NKAIN2: variants seen among roughly 807,000 people sequenced by gnomAD.
NKAIN2 encodes the protein sodium/potassium-transporting ATPase subunit beta-1-interacting protein 2.
Under a neutral mutation model 32.6 loss-of-function variants are expected in NKAIN2, and 14 were observed. The ratio of observed to expected loss-of-function variants is 0.43; its 90% confidence interval spans 0.28 to 0.67. NKAIN2 has a LOEUF of 0.67. Ranked by LOEUF, NKAIN2 falls within the 30% of genes least tolerant of loss-of-function variation. The pLI, the probability that NKAIN2 is intolerant of heterozygous loss-of-function variation, is 0.17. For missense variants in NKAIN2, 198 were observed against 258.3 expected (o/e 0.77, Z 1.60); for synonymous variants, 80 against 87.2 (o/e 0.92, Z 0.46).
chr6:124,722,046 G>C (rs920199355), intron 4 of NKAIN2, among the ~76,000 whole-genome samples: 1 of 152,146 alleles, frequency 6.6e-6, no homozygotes, highest in East Asian at 1.9e-4. Context: ...ACTACTCAGC[G>C]TACCTAATAT....
chr6:124,430,411 G>A (rs191075095), intron 3 of NKAIN2, among the ~76,000 whole-genome samples: 24 of 152,186 alleles, frequency 1.6e-4, no homozygotes, highest in African/African-American at 5.5e-4. Context: ...TCTTATGGAG[G>A]TTGACTGGGT....
chr6:124,727,074 C>T (rs1583736952), intron 4 of NKAIN2, among the ~76,000 whole-genome samples: 1 of 152,042 alleles, frequency 6.6e-6, no homozygotes, highest in South Asian at 2.1e-4. Flanking sequence ...ACCAAATCTA[C>T]GTCTGATTGG....
intron 1 of NKAIN2, among the ~76,000 whole-genome samples, chr6:124,174,077 T>G (rs924973788): frequency 6.6e-6 from 1 of 152,168 alleles, no homozygotes; most frequent in Non-Finnish European, 1.5e-5. Flanking sequence ...AAATCTGATA[T>G]CATTGCAGTC....
chr6:124,780,473 T>C (rs904746933), intron 4 of NKAIN2, among the ~76,000 whole-genome samples: 2 of 152,122 alleles, frequency 1.3e-5, no homozygotes, highest in African/African-American at 4.8e-5. Context: ...TAAATGTTGT[T>C]TGTTGGACAG....
intron 1 of NKAIN2, among the ~76,000 whole-genome samples, chr6:124,247,936 A>C (rs192427411): frequency 1.7e-4 from 26 of 152,170 alleles, no homozygotes; most frequent in African/African-American, 6.3e-4. Flanking sequence ...AAGATGAATT[A>C]AAAGAGTGTT....
intron 1 of NKAIN2, among the ~76,000 whole-genome samples, chr6:124,081,988 C>A (rs1382459025): frequency 6.6e-6 from 1 of 152,002 alleles, no homozygotes; most frequent in African/African-American, 2.4e-5. Flanking sequence ...ATTCAATCCA[C>A]CCCTGCCCTT....
At chr6:124,822,715 C>T (rs1781441030) in intron 6 of NKAIN2, among the ~76,000 whole-genome samples, 1 of 151,882 alleles carries the variant, frequency 6.6e-6, no homozygotes, top group African/African-American at 2.4e-5. Context: ...AAATCAATAA[C>T]AACAAAGTTG....
chr6:124,174,756 AC>A (rs1365825129), intron 1 of NKAIN2, among the ~76,000 whole-genome samples: 4 of 152,192 alleles, frequency 2.6e-5, no homozygotes, highest in Non-Finnish European at 4.4e-5. Context: ...ATATGACCAA[AC>A]CAACTAATGA....
chr6:124,372,679 A>G (rs1490531932), intron 3 of NKAIN2, among the ~76,000 whole-genome samples: 2 of 152,222 alleles, frequency 1.3e-5, no homozygotes, highest in Non-Finnish European at 2.9e-5. Context: ...TATTCCAAGT[A>G]TACTTTTAGT....
At chr6:124,287,475 C>T (rs2753147) in intron 2 of NKAIN2, among the ~76,000 whole-genome samples, 125,736 of 152,118 alleles carry the variant, frequency 0.83, 52,315 homozygotes, top group East Asian at 0.97. Context: ...AGATTAAAAA[C>T]TTAAAACAGA....
intron 3 of NKAIN2, among the ~76,000 whole-genome samples, chr6:124,466,156 T>C (rs772409483): frequency 3.9e-5 from 6 of 152,110 alleles, no homozygotes; most frequent in Non-Finnish European, 8.8e-5. Flanking sequence ...TCCCTGGATG[T>C]CACAGGGGAA....
chr6:124,356,302 A>T (rs1300580418), intron 3 of NKAIN2, among the ~76,000 whole-genome samples: 1 of 152,200 alleles, frequency 6.6e-6, no homozygotes, highest in African/African-American at 2.4e-5. Flanking sequence ...AGAGAATGGT[A>T]ATACACATTT....
intron 1 of NKAIN2, among the ~76,000 whole-genome samples, chr6:124,051,246 A>C (rs904850664): frequency 6.6e-6 from 1 of 151,974 alleles, no homozygotes; most frequent in East Asian, 1.9e-4. Flanking sequence ...TAATTAGATA[A>C]TGTCTCCCAG....
At chr6:124,537,552 T>C (rs1779761964) in intron 3 of NKAIN2, among the ~76,000 whole-genome samples, 1 of 152,224 alleles carries the variant, frequency 6.6e-6, no homozygotes, top group South Asian at 2.1e-4. Context: ...TATCTATGTC[T>C]ATCTCTTTAG....
rs151256868 is a variant in NKAIN2 at position 124,531,698 on chromosome 6, G to A, written c.274-126488G>A. Among the ~76,000 whole-genome samples, 444 of 152,102 alleles carry A rather than the reference G, an allele frequency of 2.9e-3. 2 individuals carry two copies. The highest frequency in any genetic ancestry group is 9.3e-3 in the African/African-American group (386 of 41,494). ...CTTTCTTTCTGTTTTTTTCCAAGACGGAGTCTCACTCTGTTGCGCAGGCTG... is the reference window on the plus strand; with the variant it reads ...CTTTCTTTCTGTTTTTTTCCAAGACAGAGTCTCACTCTGTTGCGCAGGCTG... On this transcript the variant is annotated intron_variant, in intron 3 of 6. Coordinates refer to ENST00000368417, the MANE Select transcript of NKAIN2 (RefSeq NM_001040214.3).
intron 3 of NKAIN2, among the ~76,000 whole-genome samples, chr6:124,546,612 C>A (rs1036225518): frequency 1.3e-5 from 2 of 151,736 alleles, no homozygotes; most frequent in Non-Finnish European, 2.9e-5. Flanking sequence ...ATATACTGAG[C>A]CTGTCTTTGT....
At chr6:124,313,465 A>G (rs771878540) in intron 2 of NKAIN2, among the ~76,000 whole-genome samples, 40 of 152,072 alleles carry the variant, frequency 2.6e-4, no homozygotes, top group Admixed American at 7.9e-4. Context: ...CACTTATCCA[A>G]TTTACCATGT....
At chr6:124,527,187 G>T (rs1190604646) in intron 3 of NKAIN2, among the ~76,000 whole-genome samples, 2 of 152,122 alleles carry the variant, frequency 1.3e-5, no homozygotes, top group African/African-American at 4.8e-5. Flanking sequence ...AGTCAATATG[G>T]TGCCTATGGA....
intron 1 of NKAIN2, among the ~76,000 whole-genome samples, chr6:124,141,273 A>C (rs368895104): frequency 7.9e-4 from 121 of 152,244 alleles, no homozygotes; most frequent in African/African-American, 2.8e-3. Context: ...AAAGAAAAAA[A>C]ATACTTTTTA....
Sources: allele counts gnomAD v4.1 joint callset (sites outside exome capture counted in the v4.1 genomes callset), GRCh38; gene constraint gnomAD v4.1.1; transcripts MANE v1.5; gene names NCBI Gene and HGNC (gene_info 2026-07-23, HGNC 2026-07-21).